Variants in GALNT13 observed in about 807,000 individuals in gnomAD.
GALNT13 encodes the protein polypeptide N-acetylgalactosaminyltransferase 13.
Under a neutral mutation model 64.2 loss-of-function variants are expected in GALNT13, and 28 were observed. That is an observed-to-expected ratio of 0.44 (90% CI 0.32 to 0.60). The LOEUF (loss-of-function observed/expected upper bound fraction) is 0.60, where lower values mean the gene tolerates loss of function less well. GALNT13 is among the 20% of genes least tolerant of loss of function. The probability of loss-of-function intolerance (pLI) is 0.05; values close to 1 mark genes in which losing one functional copy is unlikely to be tolerated. For missense variants in GALNT13, 577 were observed against 669.8 expected (o/e 0.86, Z 1.53); for synonymous variants, 214 against 224.6 (o/e 0.95, Z 0.42).
chr2:153,531,567 C>T, the GALNT13 span, among the ~76,000 whole-genome samples: 1 of 152,154 alleles, frequency 6.6e-6, no homozygotes, highest in African/African-American at 2.4e-5. Flanking sequence ...GTTCATCTCA[C>T]ATTTAAAAAT....
intron 3 of GALNT13, among the ~76,000 whole-genome samples, chr2:154,021,276 A>G (rs538695605): frequency 7.6e-4 from 116 of 152,264 alleles, no homozygotes; most frequent in African/African-American, 2.7e-3. Flanking sequence ...CATTGAATCT[A>G]TAAATTACCT....
chr2:153,923,510 T>C (rs1005264394), intron 2 of GALNT13, among the ~76,000 whole-genome samples: 65 of 152,098 alleles, frequency 4.3e-4, no homozygotes, highest in African/African-American at 1.4e-3. Flanking sequence ...TGGAATCTGA[T>C]TTTTTTTGTT....
At chr2:153,261,477 C>G in the GALNT13 span, among the ~76,000 whole-genome samples, 1 of 152,112 alleles carries the variant, frequency 6.6e-6, no homozygotes. Flanking sequence ...AGGAGAACTC[C>G]CTGGATTACC....
At chr2:154,260,256 A>T (rs1421742070) in intron 8 of GALNT13, among the ~76,000 whole-genome samples, 1 of 152,150 alleles carries the variant, frequency 6.6e-6, no homozygotes, top group East Asian at 1.9e-4. Flanking sequence ...TAGAGTTTAG[A>T]TGTATTTATC....
At chr2:154,198,513 C>T (rs1686997841) in intron 4 of GALNT13, among the ~76,000 whole-genome samples, 1 of 151,582 alleles carries the variant, frequency 6.6e-6, no homozygotes, top group Admixed American at 6.6e-5. Flanking sequence ...AGTTTTTTCC[C>T]CTTATGGATG....
the GALNT13 span, among the ~76,000 whole-genome samples, chr2:153,805,003 T>C: frequency 6.6e-6 from 1 of 151,922 alleles, no homozygotes; most frequent in African/African-American, 2.4e-5. Context: ...GTAGTCTAAA[T>C]AAAACACAAG....
the GALNT13 span, among the ~76,000 whole-genome samples, chr2:153,540,483 C>A: frequency 6.6e-6 from 1 of 152,194 alleles, no homozygotes; most frequent in African/African-American, 2.4e-5. Context: ...CCCACTGGGG[C>A]ACTGCCTAGC....
chr2:153,141,379 G>A, the GALNT13 span, among the ~76,000 whole-genome samples: 1,897 of 152,124 alleles, frequency 0.012, 22 homozygotes, highest in Middle Eastern at 0.031. Context: ...AGAGATAAGG[G>A]TGGGCTAGGC....
chr2:153,233,586 C>T, the GALNT13 span, among the ~76,000 whole-genome samples: 1 of 151,902 alleles, frequency 6.6e-6, no homozygotes, highest in African/African-American at 2.4e-5. Flanking sequence ...TTAATATAAA[C>T]CTACTATTCC....
chr2:153,879,710 A>C (rs1262106509), intron 1 of GALNT13, among the ~76,000 whole-genome samples: 1 of 152,076 alleles, frequency 6.6e-6, no homozygotes, highest in Non-Finnish European at 1.5e-5. Flanking sequence ...GCAGAATTGA[A>C]AACAGAACAC....
chr2:153,401,160 T>C, the GALNT13 span, among the ~76,000 whole-genome samples: 1 of 152,228 alleles, frequency 6.6e-6, no homozygotes, highest in South Asian at 2.1e-4. Context: ...AATATCTTTA[T>C]TTCTGCCTTT....
intron 9 of GALNT13, among the ~76,000 whole-genome samples, chr2:154,302,574 G>C (rs1693503865): frequency 6.6e-6 from 1 of 152,214 alleles, no homozygotes; most frequent in African/African-American, 2.4e-5. Context: ...GCTTTACTCT[G>C]AACCAAATTT....
At chr2:153,568,230 T>C in the GALNT13 span, among the ~76,000 whole-genome samples, 1,289 of 151,056 alleles carry the variant, frequency 8.5e-3, 8 homozygotes, top group South Asian at 0.018. Flanking sequence ...TTTTTATTTG[T>C]TTGTTTTTTG....
At chr2:153,488,733 A>T in the GALNT13 span, among the ~76,000 whole-genome samples, 1 of 152,356 alleles carries the variant, frequency 6.6e-6, no homozygotes, top group Admixed American at 6.5e-5. Context: ...TAAGAAAAAA[A>T]TAATGGAGCC....
At chr2:154,171,454 C>A (rs1449117755) in intron 4 of GALNT13, among the ~76,000 whole-genome samples, 1 of 152,030 alleles carries the variant, frequency 6.6e-6, no homozygotes, top group Admixed American at 6.6e-5. Flanking sequence ...AGTTGAAAAT[C>A]AAGACAATGC....
chr2:154,438,766 A>C (rs200437276), intron 12 of GALNT13, 40 bp downstream of exon 12: 18 of 1,482,026 alleles, frequency 1.2e-5, no homozygotes, highest in Non-Finnish European at 1.7e-5. Flanking sequence ...TTGATGCTTA[A>C]GCTCAGTTAT....
At chr2:153,323,823 C>A in the GALNT13 span, among the ~76,000 whole-genome samples, 104,927 of 151,852 alleles carry the variant, frequency 0.69, 37,582 homozygotes, top group Non-Finnish European at 0.79. Flanking sequence ...ATTTCTGAGG[C>A]CTCTGTTCTG....
At chr2:153,206,376 G>T in the GALNT13 span, among the ~76,000 whole-genome samples, 5 of 151,976 alleles carry the variant, frequency 3.3e-5, no homozygotes, top group African/African-American at 9.7e-5. Context: ...CATATTTAAA[G>T]TGGGCATTGT....
At chr2:153,354,335 C>T in the GALNT13 span, 1 of 152,178 alleles carries the variant, frequency 6.6e-6, no homozygotes, top group Non-Finnish European at 1.5e-5. Flanking sequence ...CTATAATGAC[C>T]TGTCTTTAAT....
Sources: gnomAD v4.1 joint callset for allele counts (sites outside exome capture counted in the v4.1 genomes callset) on GRCh38, gnomAD v4.1.1 for gene constraint, MANE v1.5 for transcripts, NCBI Gene and HGNC (gene_info 2026-07-23, HGNC 2026-07-21) for gene names.